The following DAAM1 variants were observed in gnomAD, a reference collection of about 807,000 sequenced individuals.
DAAM1 encodes the protein disheveled-associated activator of morphogenesis 1.
A neutral mutation model predicts 130.0 loss-of-function variants in DAAM1; 52 were observed. That is an observed-to-expected ratio of 0.40 (90% CI 0.32 to 0.50). The LOEUF (loss-of-function observed/expected upper bound fraction) is 0.50. Among genes scored for constraint, DAAM1 ranks in the 20% least tolerant of loss-of-function variants. The pLI is 0.61. For missense variants in DAAM1, 1,134 were observed against 1,303.8 expected (o/e 0.87, Z 2.01); for synonymous variants, 452 against 444.5 (o/e 1.02, Z -0.21).
intron 1 of DAAM1, among the ~76,000 whole-genome samples, chr14:59,203,158 A>ATTTTTTTTTT (rs57437992): frequency 6.1e-4 from 66 of 108,106 alleles, no homozygotes; most frequent in African/African-American, 1.5e-3. Context: ...CTTCTGGCTA[A>ATTTTTTTTTT]TTTTTTTTTT....
At chr14:59,303,388 CT>C in intron 3 of DAAM1, among the ~76,000 whole-genome samples, 1 of 152,278 alleles carries the variant, frequency 6.6e-6, no homozygotes, top group South Asian at 2.1e-4. Context: ...CAGTGGTCCC[CT>C]GAGGGACATA....
rs1353309945 is a variant in DAAM1, at chr14:59,199,045, G to T, written c.-38+10277G>T. Among the ~76,000 whole-genome samples the T allele has an allele frequency of 2.0e-5, 3 of 152,122 alleles. No homozygotes were observed. In the East Asian group the frequency reaches 5.8e-4, roughly 29 times the overall value. On this transcript the variant is annotated intron_variant, in intron 1 of 24. Transcript: ENST00000360909. Reference sequence around the variant, plus strand: ...ATTGAGTTTCCCTAAAATGGAGATCGGTGAGGGAGAACTCCGATTTTTCGC... The same window carrying T: ...ATTGAGTTTCCCTAAAATGGAGATCTGTGAGGGAGAACTCCGATTTTTCGC...
Position 59,198,184 on chromosome 14 carries a change from CTTTCTTTTCT to C in DAAM1, c.-38+9429_-38+9438del, listed in dbSNP as rs1251886842. On this transcript the variant is annotated intron_variant, in intron 1 of 24. Coordinates refer to ENST00000360909, the MANE Select transcript of DAAM1 (RefSeq NM_001270520.2). ...CTTGTGTTTCCATTTGCTGATTTGC[CTTTCTTTTCT>C]TTTCTTTTCTTTCTTTTTTTTTTTT... is the stretch of plus-strand genomic sequence containing the variant. Among the ~76,000 whole-genome samples the C allele has an allele frequency of 3.7e-4, 56 of 150,648 alleles. 2 individuals are homozygous for C. The highest frequency in any genetic ancestry group is 1.6e-3 in the Admixed American group (24 of 15,118).
At chr14:59,293,477 C>T (rs946206090) in intron 3 of DAAM1, among the ~76,000 whole-genome samples, 2 of 152,120 alleles carry the variant, frequency 1.3e-5, no homozygotes, top group African/African-American at 4.8e-5. Context: ...GGTCACTGGC[C>T]TCAGAATCCC....
intron 3 of DAAM1, among the ~76,000 whole-genome samples, chr14:59,293,658 G>A (rs1353261785): frequency 6.6e-6 from 1 of 152,144 alleles, no homozygotes; most frequent in Non-Finnish European, 1.5e-5. Flanking sequence ...TTCTAGATTT[G>A]CCTCACTTTA....
intron 17 of DAAM1, among the ~76,000 whole-genome samples, chr14:59,350,211 G>A (rs1213971742): frequency 1.3e-5 from 2 of 152,078 alleles, no homozygotes; most frequent in Non-Finnish European, 1.5e-5. Context: ...CGTCCCATTA[G>A]GATGGAGGGG....
chr14:59,196,011 C>T (rs760235280), intron 1 of DAAM1, among the ~76,000 whole-genome samples: 16 of 152,056 alleles, frequency 1.1e-4, no homozygotes, highest in Non-Finnish European at 1.6e-4. Flanking sequence ...GTAGGAAAAC[C>T]CTGTAAGTGA....
At chr14:59,317,636 AG>A (rs1884840561) in intron 4 of DAAM1, among the ~76,000 whole-genome samples, 1 of 152,216 alleles carries the variant, frequency 6.6e-6, no homozygotes, top group African/African-American at 2.4e-5. Context: ...CATGACAAGC[AG>A]GGTAACAGGC....
At chr14:59,320,694 T>A in intron 5 of DAAM1, 110 bp downstream of exon 5, 1 of 686,946 alleles carries the variant, frequency 1.5e-6, no homozygotes, top group Non-Finnish European at 2.3e-6. Flanking sequence ...AATTAAACCA[T>A]AACATACTTT....
chr14:59,213,632 C>T (rs909877028), intron 1 of DAAM1, among the ~76,000 whole-genome samples: 1 of 152,148 alleles, frequency 6.6e-6, no homozygotes, highest in African/African-American at 2.4e-5. Flanking sequence ...CCAGGGGACT[C>T]AAATCTGTTT....
At chr14:59,225,018 G>GTTTTT (rs1566656866) in intron 1 of DAAM1, among the ~76,000 whole-genome samples, 15 of 102,888 alleles carry the variant, frequency 1.5e-4, no homozygotes, top group African/African-American at 4.9e-4. Context: ...AATCTGTGTG[G>GTTTTT]GTTTTTTTTT....
intron 2 of DAAM1, among the ~76,000 whole-genome samples, chr14:59,286,413 G>T (rs1427453720): frequency 6.6e-6 from 1 of 151,928 alleles, no homozygotes; most frequent in East Asian, 1.9e-4. Context: ...CAGGAGAAAA[G>T]AAATAACCAA....
intron 20 of DAAM1, among the ~76,000 whole-genome samples, chr14:59,355,573 A>G (rs537684659): frequency 6.6e-6 from 1 of 152,282 alleles, no homozygotes; most frequent in East Asian, 1.9e-4. Context: ...GTCCACTGGG[A>G]CATCATCTGT....
chr14:59,270,445 C>T (rs1300420262), intron 2 of DAAM1, among the ~76,000 whole-genome samples: 1 of 152,128 alleles, frequency 6.6e-6, no homozygotes, highest in Non-Finnish European at 1.5e-5. Context: ...AGCTAGAACT[C>T]AGTAACCCGG....
chr14:59,237,801 C>T (rs567933717), intron 1 of DAAM1, among the ~76,000 whole-genome samples: 26 of 152,166 alleles, frequency 1.7e-4, no homozygotes, highest in African/African-American at 2.9e-4. Context: ...TCTCTGGACT[C>T]ACTTTTCCAG....
rs756984890 is a variant in DAAM1 at position 59,315,214 on chromosome 14, G to T, written c.274-66G>T. 7 of 1,417,294 alleles carry T rather than the reference G, an allele frequency of 4.9e-6. No homozygotes were observed. In the Admixed American group the frequency reaches 1.2e-4, roughly 24 times the overall value. The allele number at this position is 1,417,294 out of a possible 1,614,324, so 87.8% of individuals were successfully genotyped here. The stretch of plus-strand genomic sequence containing the variant: ...TCATTGTCTGGGTGCTCTGGAAGTC[G>T]GATGTGTTTCTAGGTGCTGTGTGTA... On this transcript the variant is annotated intron_variant, in intron 3 of 24. Transcript: ENST00000360909.
At chr14:59,353,272 TG>T (rs781018289) in intron 18 of DAAM1, among the ~76,000 whole-genome samples, 6 of 152,208 alleles carry the variant, frequency 3.9e-5, no homozygotes, top group Non-Finnish European at 7.3e-5. Context: ...GAAGGACCAG[TG>T]GTCCTGAAAC....
chr14:59,345,509 A>G (rs932694837), intron 16 of DAAM1, among the ~76,000 whole-genome samples: 3 of 152,148 alleles, frequency 2.0e-5, no homozygotes, highest in Non-Finnish European at 2.9e-5. Context: ...TCTCTTCCCT[A>G]CTTAATGGCA....
At chr14:59,222,237 C>G (rs143288725) in intron 1 of DAAM1, among the ~76,000 whole-genome samples, 1 of 152,306 alleles carries the variant, frequency 6.6e-6, no homozygotes, top group African/African-American at 2.4e-5. Flanking sequence ...GTTGCTTGGT[C>G]AGAAGCAATG....
Sources: allele counts gnomAD v4.1 joint callset (sites outside exome capture counted in the v4.1 genomes callset), GRCh38; gene constraint gnomAD v4.1.1; transcripts MANE v1.5; gene names NCBI Gene and HGNC (gene_info 2026-07-23, HGNC 2026-07-21).